CDH13: variants seen among roughly 807,000 people sequenced by gnomAD.
CDH13 encodes the protein cadherin 13, also known as cadherin-13.
Under a neutral mutation model 63.8 loss-of-function variants are expected in CDH13, and 24 were observed. The observed-to-expected ratio is 0.38, with a 90% CI of 0.27 to 0.53. CDH13 has a LOEUF of 0.53. Ranked by LOEUF, CDH13 falls within the 20% of genes least tolerant of loss-of-function variation. The pLI is 0.85. For missense variants in CDH13, 1,049 were observed against 903.1 expected (o/e 1.16, Z -2.07); for synonymous variants, 503 against 355.3 (o/e 1.42, Z -4.67).
intron 3 of CDH13, among the ~76,000 whole-genome samples, chr16:83,068,803 C>T (rs974654405): frequency 6.6e-6 from 1 of 152,078 alleles, no homozygotes; most frequent in African/African-American, 2.4e-5. Flanking sequence ...CTGTGGACAC[C>T]CTGCTTGCCA....
At chr16:83,692,509 T>G (rs554622624) in intron 10 of CDH13, among the ~76,000 whole-genome samples, 5 of 152,338 alleles carry the variant, frequency 3.3e-5, no homozygotes, top group Non-Finnish European at 7.4e-5. Flanking sequence ...TGTCCCGGTT[T>G]CTTTCCATTT....
At chr16:83,239,021 G>A (rs1175846003) in intron 5 of CDH13, among the ~76,000 whole-genome samples, 1 of 152,146 alleles carries the variant, frequency 6.6e-6, no homozygotes, top group East Asian at 1.9e-4. Flanking sequence ...TGCTGTTACT[G>A]GCATCTCAGT....
chr16:83,758,224 C>A (rs983497886), intron 11 of CDH13, among the ~76,000 whole-genome samples: 41 of 152,066 alleles, frequency 2.7e-4, no homozygotes, highest in African/African-American at 1.9e-4. Context: ...AATACTTAAT[C>A]CCTCTTTTTA....
intron 2 of CDH13, among the ~76,000 whole-genome samples, chr16:82,881,342 C>A (rs558843514): frequency 2.6e-5 from 4 of 152,012 alleles, no homozygotes; most frequent in Admixed American, 2.6e-4. Flanking sequence ...TGGGGGTCAT[C>A]TGCTGTGGGA....
At chr16:83,246,320 C>T (rs62040375) in intron 5 of CDH13, among the ~76,000 whole-genome samples, 15,404 of 152,060 alleles carry the variant, frequency 0.1, 1,030 homozygotes, top group African/African-American at 0.18. Context: ...TATAATTTTC[C>T]CCCTGATTCA....
chr16:83,774,617 G>T (rs1261770743), intron 11 of CDH13, among the ~76,000 whole-genome samples: 2 of 152,124 alleles, frequency 1.3e-5, no homozygotes, highest in African/African-American at 2.4e-5. Context: ...CAAGTGATCT[G>T]CCCACTTCAG....
chr16:82,999,588 G>A (rs1340395244), intron 2 of CDH13, among the ~76,000 whole-genome samples: 1 of 152,132 alleles, frequency 6.6e-6, no homozygotes, highest in Non-Finnish European at 1.5e-5. Context: ...CAGAGTTTAA[G>A]CATGACACCA....
At chr16:83,770,153 G>A (rs1773531803) in intron 11 of CDH13, among the ~76,000 whole-genome samples, 1 of 152,096 alleles carries the variant, frequency 6.6e-6, no homozygotes, top group African/African-American at 2.4e-5. Context: ...ATGTTTCTTG[G>A]AGGAGTCCTG....
intron 3 of CDH13, among the ~76,000 whole-genome samples, chr16:83,122,745 C>A (rs898306179): frequency 1.3e-5 from 2 of 151,984 alleles, no homozygotes; most frequent in Admixed American, 6.5e-5. Flanking sequence ...AAATGCCTAT[C>A]TATTACCCTA....
chr16:83,432,728 A>G (rs2072158943), intron 6 of CDH13, among the ~76,000 whole-genome samples: 1 of 152,156 alleles, frequency 6.6e-6, no homozygotes, highest in Admixed American at 6.5e-5. Context: ...TAGAAGGCAG[A>G]GTTGGATGGC....
chr16:83,065,765 C>G (rs1415421371), intron 3 of CDH13, among the ~76,000 whole-genome samples: 5 of 151,910 alleles, frequency 3.3e-5, no homozygotes, highest in African/African-American at 7.2e-5. Context: ...TAGGTTCTCG[C>G]TCTTTGGATG....
intron 8 of CDH13, chr16:83,655,071 T>G (rs1391622863): frequency 6.6e-6 from 1 of 152,268 alleles, no homozygotes; most frequent in Non-Finnish European, 1.5e-5. Flanking sequence ...AAGGCACTAC[T>G]TGAGATCCTG....
chr16:83,451,403 C>G (rs1318630507), intron 6 of CDH13, among the ~76,000 whole-genome samples: 1 of 152,194 alleles, frequency 6.6e-6, no homozygotes, highest in African/African-American at 2.4e-5. Context: ...ATACCTGCCC[C>G]CATGATTTAG....
intron 3 of CDH13, among the ~76,000 whole-genome samples, chr16:83,055,036 AC>A (rs1274775858): frequency 6.6e-6 from 1 of 152,124 alleles, no homozygotes; most frequent in Non-Finnish European, 1.5e-5. Context: ...TAACAAAAAA[AC>A]TAAAGGATCC....
intron 1 of CDH13, among the ~76,000 whole-genome samples, chr16:82,673,583 A>G (rs965727732): frequency 1.3e-5 from 2 of 152,234 alleles, no homozygotes; most frequent in Non-Finnish European, 2.9e-5. Flanking sequence ...ACGAGCCATG[A>G]AAGTCATGAA....
chr16:82,881,153 A>G (rs1368110538), intron 2 of CDH13, among the ~76,000 whole-genome samples: 3 of 152,154 alleles, frequency 2.0e-5, no homozygotes, highest in Non-Finnish European at 4.4e-5. Flanking sequence ...AAGGGTGATC[A>G]ATGGCTGGGC....
intron 7 of CDH13, among the ~76,000 whole-genome samples, chr16:83,581,064 C>G (rs751701866): frequency 2.0e-5 from 3 of 152,094 alleles, no homozygotes; most frequent in Non-Finnish European, 2.9e-5. Flanking sequence ...AAAATCCTAG[C>G]CTTTGGTTTT....
chr16:82,899,599 CTGTG>C (rs139413421), intron 2 of CDH13, among the ~76,000 whole-genome samples: 1 of 150,860 alleles, frequency 6.6e-6, no homozygotes, highest in African/African-American at 2.4e-5. Context: ...GTGTAGGTGC[CTGTG>C]TGTGTGTGTG....
intron 10 of CDH13, among the ~76,000 whole-genome samples, chr16:83,742,627 C>G (rs1037645875): frequency 6.6e-6 from 1 of 152,172 alleles, no homozygotes; most frequent in Non-Finnish European, 1.5e-5. Context: ...GCCGATTGGT[C>G]AAAAAGCCTG....
Sources: allele counts gnomAD v4.1 joint callset (sites outside exome capture counted in the v4.1 genomes callset), GRCh38; gene constraint gnomAD v4.1.1; transcripts MANE v1.5; gene names NCBI Gene and HGNC (gene_info 2026-07-23, HGNC 2026-07-21).